EPB41: variants seen among roughly 807,000 people sequenced by gnomAD.
EPB41 encodes erythrocyte membrane protein band 4.1, also known as protein 4.1.
A neutral mutation model predicts 108.0 loss-of-function variants in EPB41; 65 were observed. The ratio of observed to expected loss-of-function variants is 0.60; its 90% CI spans 0.49 to 0.74. The LOEUF is 0.74. Among genes scored for constraint, EPB41 ranks in the 30% least tolerant of loss-of-function variants. The pLI, the probability that EPB41 is intolerant of heterozygous loss-of-function variation, is 0.00. For missense variants in EPB41, 875 were observed against 1,037.0 expected (o/e 0.84, Z 2.15); for synonymous variants, 336 against 358.9 (o/e 0.94, Z 0.72).
At chr1:29,101,552 C>T (rs1257539534) in intron 17 of EPB41, among the ~76,000 whole-genome samples, 3 of 151,854 alleles carry the variant, frequency 2.0e-5, no homozygotes, top group African/African-American at 7.3e-5. Context: ...CCTATAGTCC[C>T]AGCTGCTTGG....
intron 1 of EPB41, among the ~76,000 whole-genome samples, chr1:28,947,536 C>T (rs1358419023): frequency 1.3e-5 from 2 of 151,798 alleles, no homozygotes; most frequent in Non-Finnish European, 2.9e-5. Context: ...GTTAAAAATA[C>T]AGTTATTCAG....
chr1:29,059,936 A>C (rs1321947186), intron 14 of EPB41, among the ~76,000 whole-genome samples: 1 of 152,194 alleles, frequency 6.6e-6, no homozygotes, highest in Non-Finnish European at 1.5e-5. Context: ...TCTTTCTTAG[A>C]TCTTTTTTAT....
chr1:29,084,032 T>TC (rs11444052), intron 16 of EPB41, among the ~76,000 whole-genome samples: 150,601 of 152,310 alleles, frequency 0.99, 74,475 homozygotes, highest in East Asian at 1. Flanking sequence ...CTGGGTATCT[T>TC]CTTCTGTGCT....
intron 16 of EPB41, among the ~76,000 whole-genome samples, chr1:29,089,941 A>C (rs1660597124): frequency 6.6e-6 from 1 of 152,170 alleles, no homozygotes; most frequent in Non-Finnish European, 1.5e-5. Flanking sequence ...CGTTGAGGGC[A>C]TTTGTGGTAA....
chr1:28,887,997 G>A lies in EPB41; in HGVS notation c.-8+787G>A, dbSNP rs995959846. 6.6e-6 allele frequency among the ~76,000 whole-genome samples: 1 copy of A among 152,154 alleles called. No homozygotes were observed. Among genetic ancestry groups the A allele is most frequent in the African/African-American group, 2.4e-5 (1 of 41,442 alleles). ...GTCTCGCCCTCACCTACACTTCCCG[G>A]CAGGCCCCACCTCTTCAGGGTGGGA... On this transcript the variant is annotated intron_variant, in intron 1 of 16. Transcript: ENST00000347529. The surrounding 1 kb of genome is among the most constrained non-coding windows in gnomAD (Gnocchi z 4.9).
chr1:28,971,180 C>A (rs147388560), intron 1 of EPB41, among the ~76,000 whole-genome samples: 2 of 66,324 alleles, frequency 3.0e-5, no homozygotes, highest in Non-Finnish European at 2.6e-5. Context: ...TTCTTTCTTT[C>A]TTTTTTTTTT....
At chr1:28,935,018 G>A (rs183598470) in intron 1 of EPB41, among the ~76,000 whole-genome samples, 2 of 152,142 alleles carry the variant, frequency 1.3e-5, no homozygotes, top group Admixed American at 1.3e-4. Flanking sequence ...AGGAGGCTGA[G>A]GGAGGATCGC....
Position 29,113,215 on chromosome 1 carries a change from T to G in EPB41, c.2496+767T>G, listed in dbSNP as rs1321800006. Among the ~76,000 whole-genome samples, 3 of 152,326 alleles carry G rather than the reference T, an allele frequency of 2.0e-5. No homozygotes were observed. In the South Asian group the frequency reaches 6.2e-4, roughly 32 times the overall value. On this transcript the variant is annotated intron_variant, in intron 19 of 20. Transcript: ENST00000343067. ...AGGATTAATGTTCCCAGTTCTCTGCTGGGTGAGGTTAGAACAGTAAAGCTG... is the reference window on the plus strand; with the variant it reads ...AGGATTAATGTTCCCAGTTCTCTGCGGGGTGAGGTTAGAACAGTAAAGCTG...
chr1:29,006,533 G>A (rs1345223509), intron 4 of EPB41, among the ~76,000 whole-genome samples: 1 of 151,760 alleles, frequency 6.6e-6, no homozygotes, highest in Non-Finnish European at 1.5e-5. Flanking sequence ...CACTGCGCCC[G>A]GCCAAAGAAT....
intron 16 of EPB41, among the ~76,000 whole-genome samples, chr1:29,091,269 G>A (rs1661067170): frequency 6.6e-6 from 1 of 152,096 alleles, no homozygotes; most frequent in Admixed American, 6.6e-5. Context: ...TTATTAATCA[G>A]CCTTCTCAGT....
At chr1:28,993,623 C>T (rs761742104) in intron 3 of EPB41, 81 bp downstream of exon 3, 14 of 1,217,742 alleles carry the variant, frequency 1.1e-5, no homozygotes, top group Middle Eastern at 2.4e-4. Context: ...ATTTTGCCCA[C>T]GATAAGACTC....
At chr1:29,052,624 A>G (rs1432535398) in intron 11 of EPB41, among the ~76,000 whole-genome samples, 1 of 152,206 alleles carries the variant, frequency 6.6e-6, no homozygotes. Flanking sequence ...AATCATTCCA[A>G]GGAGGCTTAC....
intron 1 of EPB41, among the ~76,000 whole-genome samples, chr1:28,936,320 G>A (rs547371015): frequency 3.3e-5 from 5 of 152,232 alleles, no homozygotes; most frequent in Admixed American, 6.5e-5. Flanking sequence ...TGGCAAAGAC[G>A]GAGCTGGATC....
rs4110941 is a variant in EPB41, at chr1:29,011,231, C to T, written c.787-634C>T. On this transcript the variant is annotated intron_variant, in intron 4 of 20. Coordinates refer to ENST00000343067, the MANE Select transcript of EPB41 (RefSeq NM_001376013.1). ...AATACAAAAATTAGCCGGGTGTGGT[C>T]GTGGGCACCTGTAATCCCAGCTACT... 8.5e-3 allele frequency among the ~76,000 whole-genome samples: 1,273 copies of T among 149,316 alleles called. 11 individuals are homozygous for T. Among genetic ancestry groups the T allele is most frequent in the Middle Eastern group, 0.081 (23 of 284 alleles).
At chr1:28,973,516 G>C (rs1213975078) in intron 1 of EPB41, among the ~76,000 whole-genome samples, 2 of 152,020 alleles carry the variant, frequency 1.3e-5, no homozygotes, top group Non-Finnish European at 2.9e-5. Flanking sequence ...CAGCCTCCCA[G>C]ATAGCTATGA....
rs549404572 is a variant in EPB41 at position 28,993,145 on chromosome 1, A to G, written c.469-185A>G. 5.3e-5 allele frequency among the ~76,000 whole-genome samples: 8 copies of G among 152,308 alleles called. No homozygotes were observed. The South Asian group carries it at 1.7e-3, about 32-fold the overall frequency. ...ATGGGATTCTACCTGAGAAGTTTTA[A>G]TAACAAAGTCTTTAGGGCATTTGGG... On this transcript the variant is annotated intron_variant, in intron 2 of 20. Coordinates refer to ENST00000343067, the MANE Select transcript of EPB41 (RefSeq NM_001376013.1).
At chr1:28,995,374 C>A (rs904430714) in intron 3 of EPB41, among the ~76,000 whole-genome samples, 1 of 152,048 alleles carries the variant, frequency 6.6e-6, no homozygotes, top group East Asian at 1.9e-4. Context: ...CCATACTGAC[C>A]AACATGGTGA....
chr1:29,025,057 A>C (rs1159878422), intron 7 of EPB41, among the ~76,000 whole-genome samples: 3 of 152,134 alleles, frequency 2.0e-5, no homozygotes, highest in Non-Finnish European at 4.4e-5. Context: ...GATAGAAGAC[A>C]GCCTGCATAA....
At chr1:29,103,848 A>G (rs1474811182) in intron 17 of EPB41, among the ~76,000 whole-genome samples, 1 of 152,036 alleles carries the variant, frequency 6.6e-6, no homozygotes, top group African/African-American at 2.4e-5. Context: ...TTTTATTTCT[A>G]GTAGAGATGG....
Sources: allele counts gnomAD v4.1 joint callset (sites outside exome capture counted in the v4.1 genomes callset), GRCh38; gene constraint gnomAD v4.1.1; non-coding constraint Gnocchi (gnomAD v3.1); transcripts MANE v1.5; gene names NCBI Gene and HGNC (gene_info 2026-07-23, HGNC 2026-07-21).